Variants in CAMTA1 observed in about 807,000 individuals in gnomAD.
The protein encoded by CAMTA1 is calmodulin binding transcription activator 1.
Under a neutral mutation model 170.9 loss-of-function variants are expected in CAMTA1, and 27 were observed. The ratio of observed to expected loss-of-function variants is 0.16; its 90% CI spans 0.12 to 0.22. The LOEUF is 0.22. CAMTA1 is among the 10% of genes least tolerant of loss of function. The probability of loss-of-function intolerance (pLI) is 1.00; values close to 1 mark genes in which losing one functional copy is unlikely to be tolerated. For synonymous variants in CAMTA1, 833 were observed against 891.5 expected, an observed-to-expected ratio of 0.93 and a Z score of 1.17; for missense variants, 1,619 against 2,217.2, an observed-to-expected ratio of 0.73 and a Z score of 5.42.
At chr1:7,557,098 A>C (rs2094889227) in intron 6 of CAMTA1, among the ~76,000 whole-genome samples, 1 of 152,064 alleles carries the variant, frequency 6.6e-6, no homozygotes, top group Non-Finnish European at 1.5e-5. Flanking sequence ...GCCAGACCTC[A>C]GGAGTTCGAG....
intron 4 of CAMTA1, among the ~76,000 whole-genome samples, chr1:7,150,919 C>T (rs947540988): frequency 1.3e-5 from 2 of 152,172 alleles, no homozygotes; most frequent in Non-Finnish European, 2.9e-5. Context: ...AGAAGGCAGG[C>T]GCAGAGTGCT....
At chr1:7,669,175 TCC>T (rs1191109768) in intron 9 of CAMTA1, among the ~76,000 whole-genome samples, 3 of 152,170 alleles carry the variant, frequency 2.0e-5, no homozygotes, top group African/African-American at 7.2e-5. Context: ...TGTTTCTCGG[TCC>T]TGAGCTCTCT....
chr1:6,785,542 G>A lies in CAMTA1; in HGVS notation c.12G>A (p.Ala4=), dbSNP rs1336574584. 1 of 1,081,544 alleles carries A rather than the reference G, an allele frequency of 9.2e-7. No homozygotes were observed. The highest frequency in any genetic ancestry group is 2.9e-5 in the South Asian group (1 of 35,084). The allele number at this position is 1,081,544 out of a possible 1,614,324, so 67.0% of individuals were successfully genotyped here. ...CGAGGAGGAGGAGGATGTGGCGCGC[G>A]GAGGGGAAATGGCTGCCGAAAACAA... MWR[A]EGKWLPKTSR... Residue 4 remains alanine (A), a synonymous_variant, in exon 1 of 23, where the codon GCG becomes GCA. Transcript: ENST00000303635.
chr1:6,889,117 T>C (rs1192665724), intron 3 of CAMTA1, among the ~76,000 whole-genome samples: 3 of 152,362 alleles, frequency 2.0e-5, no homozygotes, highest in Middle Eastern at 6.8e-3. Context: ...GATCAAACCA[T>C]TAAAGCTGTT....
rs148925614 is a variant in CAMTA1, at chr1:7,007,873, G to A, written c.235-83431G>A. Among the ~76,000 whole-genome samples, 46 of 152,292 alleles carry A rather than the reference G, an allele frequency of 3.0e-4. No individual in the cohort carries two copies. Among genetic ancestry groups the A allele is most frequent in the African/African-American group, 1.1e-3 (44 of 41,560 alleles). On this transcript the variant is annotated intron_variant, in intron 3 of 22. Transcript: ENST00000303635. The surrounding 1 kb of genome is among the most constrained non-coding windows in gnomAD (Gnocchi z 4.5). Reference sequence around the variant, plus strand: ...AGTAGGCACTCAATGGTTGTAAACTGTATCCACCTACAAAGCCCCTAGAGC... The same window carrying A: ...AGTAGGCACTCAATGGTTGTAAACTATATCCACCTACAAAGCCCCTAGAGC...
At position 7,387,777 on chromosome 1, in the gene CAMTA1, C is replaced by G. The variant is rs542272939; in HGVS notation, c.439-80053C>G. 5.9e-5 allele frequency among the ~76,000 whole-genome samples: 9 copies of G among 152,348 alleles called. No homozygotes were observed. In the South Asian group the frequency reaches 1.9e-3, roughly 32 times the overall value. On this transcript the variant is annotated intron_variant, in intron 5 of 22. Coordinates refer to ENST00000303635, the MANE Select transcript of CAMTA1 (RefSeq NM_015215.4). Reference sequence around the variant, plus strand: ...GCTTAATCTTGGAATGAAAAATACTCTGATCCTGGCAGAGTCCAGTCAGAA... The same window carrying G: ...GCTTAATCTTGGAATGAAAAATACTGTGATCCTGGCAGAGTCCAGTCAGAA...
At chr1:7,606,431 A>G (rs931458583) in intron 6 of CAMTA1, among the ~76,000 whole-genome samples, 5 of 152,230 alleles carry the variant, frequency 3.3e-5, no homozygotes, top group Non-Finnish European at 7.3e-5. Flanking sequence ...CTTGAGGCTC[A>G]GCATGATGAA....
intron 7 of CAMTA1, among the ~76,000 whole-genome samples, chr1:7,648,682 G>A (rs1558053300): frequency 6.6e-6 from 1 of 152,196 alleles, no homozygotes; most frequent in Non-Finnish European, 1.5e-5. Context: ...CGAGCCGGCT[G>A]CAGTCTTACC....
chr1:7,145,759 G>A (rs1307317079), intron 4 of CAMTA1, among the ~76,000 whole-genome samples: 1 of 152,206 alleles, frequency 6.6e-6, no homozygotes, highest in Non-Finnish European at 1.5e-5. Flanking sequence ...CGTGTCTCCC[G>A]AAAGCACAGT....
At chr1:6,951,407 T>C (rs1162689946) in intron 3 of CAMTA1, among the ~76,000 whole-genome samples, 1 of 152,156 alleles carries the variant, frequency 6.6e-6, no homozygotes, top group Non-Finnish European at 1.5e-5. Context: ...CACAGGGATA[T>C]TGTGGGGATT....
intron 5 of CAMTA1, among the ~76,000 whole-genome samples, chr1:7,258,845 C>T (rs1422452083): frequency 1.3e-5 from 2 of 152,090 alleles, no homozygotes; most frequent in Non-Finnish European, 2.9e-5. Flanking sequence ...GGCTTGTCCT[C>T]GGATAGTCGC....
intron 22 of CAMTA1, among the ~76,000 whole-genome samples, chr1:7,761,898 C>G (rs1577502118): frequency 6.6e-6 from 1 of 151,944 alleles, no homozygotes; most frequent in Admixed American, 6.6e-5. Context: ...TGCCTGTAAT[C>G]CCAGCACTTT....
chr1:7,638,274 T>A (rs954583557), intron 6 of CAMTA1, among the ~76,000 whole-genome samples: 3 of 152,130 alleles, frequency 2.0e-5, no homozygotes, highest in African/African-American at 7.2e-5. Context: ...GGATGAGGCC[T>A]CCCACGTGGC....
chr1:6,929,880 T>A (rs1029203543), intron 3 of CAMTA1, among the ~76,000 whole-genome samples: 2 of 152,200 alleles, frequency 1.3e-5, no homozygotes, highest in African/African-American at 4.8e-5. Flanking sequence ...TCTTGGAGGT[T>A]GGATGAAAAT....
intron 4 of CAMTA1, among the ~76,000 whole-genome samples, chr1:7,243,093 A>G (rs1404762299): frequency 2.0e-4 from 31 of 152,186 alleles, no homozygotes; most frequent in Non-Finnish European, 2.9e-5. Flanking sequence ...ATTCTGTTCC[A>G]TTGGCTTGTC....
intron 4 of CAMTA1, among the ~76,000 whole-genome samples, chr1:7,179,435 C>T (rs1651644142): frequency 6.6e-6 from 1 of 152,066 alleles, no homozygotes; most frequent in African/African-American, 2.4e-5. Context: ...ACATTTATGC[C>T]ACAATAATAT....
rs1386874511 is a variant in CAMTA1 at position 7,092,871 on chromosome 1, A to AAG, written c.302+1501_302+1502dup. The stretch of plus-strand genomic sequence containing the variant: ...CTCCCAGAGGAGGGCAGAGGCTTAC[A>AAG]AGCCCAAGGCAGTTGATGCAGGTGC... On this transcript the variant is annotated intron_variant, in intron 4 of 22. Coordinates refer to ENST00000303635, the MANE Select transcript of CAMTA1 (RefSeq NM_015215.4). The surrounding 1 kb of genome is among the most constrained non-coding windows in gnomAD (Gnocchi z 5.0). Among the ~76,000 whole-genome samples, 1 of 152,202 alleles carries AAG rather than the reference A, an allele frequency of 6.6e-6. No homozygotes were observed. Among genetic ancestry groups the AAG allele is most frequent in the Non-Finnish European group, 1.5e-5 (1 of 68,040 alleles).
intron 3 of CAMTA1, among the ~76,000 whole-genome samples, chr1:6,854,117 G>T (rs774175582): frequency 6.6e-6 from 1 of 152,100 alleles, no homozygotes; most frequent in African/African-American, 2.4e-5. Context: ...GCTTCATAAC[G>T]ATGTTTCAGT....
At chr1:7,420,965 G>T (rs78089603) in intron 5 of CAMTA1, among the ~76,000 whole-genome samples, 11,052 of 152,126 alleles carry the variant, frequency 0.073, 1,058 homozygotes, top group African/African-American at 0.22. Flanking sequence ...ACACACCAGT[G>T]GGGGCTTCTC....
Sources: allele counts gnomAD v4.1 joint callset (sites outside exome capture counted in the v4.1 genomes callset), GRCh38; gene constraint gnomAD v4.1.1; non-coding constraint Gnocchi (gnomAD v3.1); transcripts MANE v1.5; gene names NCBI Gene and HGNC (gene_info 2026-07-23, HGNC 2026-07-21).